ABCA6: variants seen among roughly 807,000 people sequenced by gnomAD.
ABCA6 encodes ATP binding cassette subfamily A member 6.
Under a neutral mutation model 191.2 loss-of-function variants are expected in ABCA6, and 164 were observed. The observed-to-expected ratio is 0.86, with a 90% CI of 0.76 to 0.98. The LOEUF is 0.98. ABCA6 is among the 50% of genes least tolerant of loss of function. The pLI is 0.00. For missense variants in ABCA6, 1,958 were observed against 1,894.1 expected (o/e 1.03, Z -0.63); for synonymous variants, 636 against 647.7 (o/e 0.98, Z 0.27).
intron 25 of ABCA6, 129 bp downstream of exon 25, chr17:69,096,111 T>C (rs1036114869): frequency 5.1e-6 from 2 of 389,174 alleles, no homozygotes; most frequent in Non-Finnish European, 9.2e-6. Flanking sequence ...CACTTCCCTC[T>C]CTTTTCTATG....
At chr17:69,112,875 A>G (rs2073454819) in intron 15 of ABCA6, 2 of 128,570 alleles carry the variant, frequency 1.6e-5, no homozygotes, top group Admixed American at 7.2e-5. Context: ...ATACTTTCTG[A>G]AAAAAAAAAC....
chr17:69,079,006 T>A lies in ABCA6; in HGVS notation c.4821A>T (p.Arg1607Ser). ...CATCTGAATGAGGGAGGAGTTTCCA[T>A]CTCATTGTTGTATCAATTTCTTCAT... Reference protein sequence around the residue: ...NFDEEIDTTMRWKLLPHSDEP With the variant: ...NFDEEIDTTMSWKLLPHSDEP Residue 1607 changes from arginine (R) to serine (S), a missense_variant, in exon 39 of 39, where the codon AGA (arginine) becomes AGT (serine). Transcript: ENST00000284425. The A allele has an allele frequency of 1.2e-6, 2 of 1,612,286 alleles. No homozygotes were observed. The highest frequency in any genetic ancestry group is 1.7e-6 in the Non-Finnish European group (2 of 1,179,364).
rs778289977 is a variant in ABCA6 at position 69,091,202 on chromosome 17, T to C, written c.3469A>G (p.Thr1157Ala). 1 of 1,612,068 alleles carries C rather than the reference T, an allele frequency of 6.2e-7. No homozygotes were observed. The highest frequency in any genetic ancestry group is 8.5e-7 in the Non-Finnish European group (1 of 1,179,370). ...TATGAAGGAACCAATACCATGGTGG[T>C]AATCAATATACTTAGGTCAAAATGA... ...INHFDLSILI[T>A]TMVLVPSYTL... Residue 1157 changes from threonine (T) to alanine (A), a missense_variant, in exon 26 of 39, where the codon ACC (threonine) becomes GCC (alanine). Physicochemically the swap from Thr to Ala is moderately conservative, Grantham distance 58. Coordinates refer to ENST00000284425, the MANE Select transcript of ABCA6 (RefSeq NM_080284.3).
chr17:69,134,731 C>T lies in ABCA6; in HGVS notation c.472G>A (p.Asp158Asn). ...GTACATGAAAACTCACCATATCCAT[C>T]CCAGCAATGAGCTGTAAGCACAAAG... Reference protein sequence around the residue: ...WKEDFSAHCWDGYGEFSCTLT... With the variant: ...WKEDFSAHCWNGYGEFSCTLT... Residue 158 changes from aspartate to asparagine, a missense_variant, in exon 5 of 39, where the codon GAT (aspartate) becomes AAT (asparagine). Asp to Asn is a conservative substitution (Grantham distance 23, BLOSUM62 1). Transcript: ENST00000284425. 1 of 1,612,562 alleles carries T rather than the reference C, an allele frequency of 6.2e-7. No individual in the cohort carries two copies. Among genetic ancestry groups the T allele is most frequent in the Non-Finnish European group, 8.5e-7 (1 of 1,178,986 alleles).
intron 36 of ABCA6, among the ~76,000 whole-genome samples, chr17:69,082,659 A>C (rs1432990893): frequency 6.6e-6 from 1 of 152,072 alleles, no homozygotes; most frequent in Non-Finnish European, 1.5e-5. Context: ...TCAGCCTGGG[A>C]TGGCCAAGGA....
rs192817659 is a variant in ABCA6 at position 69,113,583 on chromosome 17, G to A, written c.1902+35C>T. 7.3e-5 allele frequency: 117 copies of A among 1,612,072 alleles called. No individual in the cohort carries two copies. In the East Asian group the frequency reaches 1.6e-3, roughly 22 times the overall value. On this transcript the variant is annotated intron_variant, in intron 14 of 38. Coordinates refer to ENST00000284425, the MANE Select transcript of ABCA6 (RefSeq NM_080284.3). ...AGAACTTGACATTTTGCAGACATTC[G>A]ACCTGCTTCCTTCCCCATGCATAAT...
intron 22 of ABCA6, 73 bp from the exon 23 acceptor site, chr17:69,098,100 G>T: frequency 8.7e-7 from 1 of 1,146,690 alleles, no homozygotes; most frequent in Non-Finnish European, 1.2e-6. Context: ...CCACAAAAAT[G>T]CACTTTTTGA....
Position 69,078,888 on chromosome 17 carries a change from G to T in ABCA6, c.*85C>A. On this transcript the variant is annotated 3_prime_UTR_variant, in exon 39 of 39. Coordinates refer to ENST00000284425, the MANE Select transcript of ABCA6 (RefSeq NM_080284.3). ...AATATACCTGATGTTAATTTTAAAT[G>T]ATCTTTAAAATTAAACATACTATTA... The T allele has an allele frequency of 2.7e-6, 2 of 739,540 alleles. No homozygotes were observed. Among genetic ancestry groups the T allele is most frequent in the South Asian group, 3.0e-5 (1 of 33,396 alleles). The allele number at this position is 739,540 out of a possible 1,614,324, so 45.8% of individuals were successfully genotyped here.
intron 4 of ABCA6, chr17:69,135,672 TC>T (rs772678332): frequency 3.9e-6 from 1 of 259,700 alleles, no homozygotes; most frequent in Non-Finnish European, 7.2e-6. Context: ...TGCTATTCAT[TC>T]TGGTCTCCCT....
At chr17:69,106,779 A>T (rs911874390) in intron 18 of ABCA6, among the ~76,000 whole-genome samples, 5 of 152,124 alleles carry the variant, frequency 3.3e-5, no homozygotes, top group African/African-American at 9.7e-5. Flanking sequence ...AATAAAACAA[A>T]GTTTTAGATT....
At chr17:69,134,080 T>C (rs1410811917) in intron 5 of ABCA6, among the ~76,000 whole-genome samples, 1 of 152,164 alleles carries the variant, frequency 6.6e-6, no homozygotes, top group Non-Finnish European at 1.5e-5. Context: ...TTACAACCAC[T>C]TCAAAATTAG....
chr17:69,093,007 A>C (rs753297958), intron 25 of ABCA6, among the ~76,000 whole-genome samples: 1 of 152,206 alleles, frequency 6.6e-6, no homozygotes, highest in Non-Finnish European at 1.5e-5. Flanking sequence ...TAGCCTACTG[A>C]AATCAAGATG....
intron 14 of ABCA6, 61 bp from the exon 15 acceptor site, chr17:69,113,421 T>C (rs1211600756): frequency 1.3e-6 from 2 of 1,543,262 alleles, no homozygotes; most frequent in African/African-American, 1.4e-5. Context: ...ATCCAGAAGA[T>C]AGCATGAAAA....
In ABCA6 at chr17:69,084,427, C is replaced by T. The variant is rs371905122; in HGVS notation, c.4260+5G>A. 1.2e-5 allele frequency: 20 copies of T among 1,614,024 alleles called. No homozygotes were observed. The highest frequency in any genetic ancestry group is 1.6e-5 in the Non-Finnish European group (19 of 1,180,008). On this transcript the variant is annotated splice_donor_5th_base_variant and intron_variant, in intron 33 of 38. Coordinates refer to ENST00000284425, the MANE Select transcript of ABCA6 (RefSeq NM_080284.3). ...TCTCCATAGAGCATCACACACCGCA[C>T]GTACCTTTCTCGTGATTCCTGCTGT... is the stretch of plus-strand genomic sequence containing the variant.
chr17:69,084,389 A>G, intron 33 of ABCA6, 34 bp from the exon 34 acceptor site: 1 of 1,614,090 alleles, frequency 6.2e-7, no homozygotes, highest in African/African-American at 1.3e-5. Context: ...GTTTGCTGCC[A>G]TACCACACCA....
rs764179831 is a variant in ABCA6 at position 69,096,853 on chromosome 17, G to C, written c.3121-52C>G. ...AAATGTATATAGATTCAATTAAAAT[G>C]CAAATCTAAAATAAACACAAACACA... On this transcript the variant is annotated intron_variant, in intron 23 of 38. Transcript: ENST00000284425. The C allele has an allele frequency of 1.3e-5, 18 of 1,373,954 alleles. No homozygotes were observed. The African/African-American group carries it at 2.6e-4, about 20-fold the overall frequency. The allele number at this position is 1,373,954 out of a possible 1,614,324, so 85.1% of individuals were successfully genotyped here. A position where few individuals can be genotyped will look rare whatever the true frequency, so the allele number is the denominator to read the frequency against.
intron 17 of ABCA6, 154 bp downstream of exon 17, chr17:69,110,647 A>C: frequency 1.2e-6 from 1 of 827,720 alleles, no homozygotes; most frequent in Non-Finnish European, 1.8e-6. Flanking sequence ...CTACCCAATA[A>C]ATCAGTGGCA....
chr17:69,099,853 G>C (rs1011385322), intron 22 of ABCA6, among the ~76,000 whole-genome samples: 1 of 152,252 alleles, frequency 6.6e-6, no homozygotes, highest in Admixed American at 6.5e-5. Context: ...GAAAACCTGT[G>C]CTTGCATATA....
Position 69,115,434 on chromosome 17 carries a change from A to T in ABCA6, c.1548T>A (p.Ser516Arg), listed in dbSNP as rs140119884. The T allele has an allele frequency of 6.6e-5, 107 of 1,612,198 alleles. No individual in the cohort carries two copies. In the African/African-American group the frequency reaches 1.3e-3, roughly 19 times the overall value. ...TTAGCAGTGAAGATTTGCCAGCTCC[A>T]CTGTGACCCAGGATTGCCGTGATTT... Reference protein sequence around the residue: ...EGQITAILGHSGAGKSSLLNI... With the variant: ...EGQITAILGHRGAGKSSLLNI... The change falls in exon 12 of 39, where the codon AGT becomes AGA. Residue 516 changes from serine to arginine, a missense_variant. By Grantham distance (110) the Ser-to-Arg change is moderately radical. Coordinates refer to ENST00000284425, the MANE Select transcript of ABCA6 (RefSeq NM_080284.3).
Sources: gnomAD v4.1 joint callset for allele counts (sites outside exome capture counted in the v4.1 genomes callset) on GRCh38, gnomAD v4.1.1 for gene constraint, MANE v1.5 for transcripts, NCBI Gene and HGNC (gene_info 2026-07-23, HGNC 2026-07-21) for gene names.